The following NEK3 variants were observed in gnomAD, a reference collection of about 807,000 sequenced individuals.
NEK3 encodes the protein NIMA related kinase 3.
Under a neutral mutation model 66.0 loss-of-function variants are expected in NEK3, and 54 were observed. The ratio of observed to expected loss-of-function variants is 0.82; its 90% CI spans 0.66 to 1.03. The LOEUF is 1.03. Among genes scored for constraint, NEK3 ranks in the 50% least tolerant of loss-of-function variants. The pLI, the probability that NEK3 is intolerant of heterozygous loss-of-function variation, is 0.00. For synonymous variants in NEK3, 200 were observed against 206.2 expected (o/e 0.97, Z 0.26); for missense variants, 593 against 603.0 (o/e 0.98, Z 0.17).
intron 10 of NEK3, among the ~76,000 whole-genome samples, chr13:52,142,688 G>A (rs2138197242): frequency 6.6e-6 from 1 of 152,266 alleles, no homozygotes; most frequent in Middle Eastern, 3.4e-3. Flanking sequence ...TTCTCAAAAT[G>A]TTTCTTTTGT....
At chr13:52,137,315 T>C (rs143889127) in intron 11 of NEK3, among the ~76,000 whole-genome samples, 1 of 152,324 alleles carries the variant, frequency 6.6e-6, no homozygotes, top group East Asian at 1.9e-4. Flanking sequence ...AGTTGCCATA[T>C]AGAATCAAAA....
intron 7 of NEK3, among the ~76,000 whole-genome samples, chr13:52,150,321 G>A (rs146059523): frequency 2.0e-5 from 3 of 152,286 alleles, no homozygotes; most frequent in East Asian, 3.9e-4. Flanking sequence ...GGATTACTAA[G>A]TAAATTTTGG....
At chr13:52,154,825 T>C (rs1044967502) in intron 2 of NEK3, among the ~76,000 whole-genome samples, 3 of 148,276 alleles carry the variant, frequency 2.0e-5, no homozygotes, top group Non-Finnish European at 3.0e-5. Context: ...ATGTAGACTA[T>C]AGATGTAGTA....
chr13:52,151,887 A>G (rs181582296), intron 5 of NEK3, among the ~76,000 whole-genome samples: 1 of 152,334 alleles, frequency 6.6e-6, no homozygotes, highest in Non-Finnish European at 1.5e-5. Context: ...ACTACTTACC[A>G]TTGTATTCCA....
intron 10 of NEK3, among the ~76,000 whole-genome samples, chr13:52,141,917 T>TAAA (rs368362666): frequency 8.9e-6 from 1 of 112,742 alleles, no homozygotes. Context: ...CTGTCTCTAC[T>TAAA]AAAAAAAAAA....
Position 52,134,987 on chromosome 13 carries a change from C to T in NEK3, c.1309+742G>A, listed in dbSNP as rs185441257. ...ACTGACCAAATAAATACAACTACAT[C>T]GTTGCAATAAATAGAGTCAGACTTG... On this transcript the variant is annotated intron_variant, in intron 14 of 15. Coordinates refer to ENST00000610828, the MANE Select transcript of NEK3 (RefSeq NM_002498.3). 2.4e-4 allele frequency among the ~76,000 whole-genome samples: 37 copies of T among 152,214 alleles called. No homozygotes were observed. The East Asian group carries it at 5.6e-3, about 23-fold the overall frequency.
chr13:52,148,365 C>T, intron 8 of NEK3, 50 bp downstream of exon 8: 2 of 1,538,430 alleles, frequency 1.3e-6, no homozygotes, highest in Non-Finnish European at 1.8e-6. Context: ...ATTATTAGGG[C>T]TCAGCTAGAT....
rs1956312845 is a variant in NEK3, at chr13:52,148,489, A to G, written c.549-20T>C. The G allele has an allele frequency of 1.2e-6, 2 of 1,610,384 alleles. No individual in the cohort carries two copies. Among genetic ancestry groups the G allele is most frequent in the Admixed American group, 1.7e-5 (1 of 59,902 alleles). On this transcript the variant is annotated intron_variant, in intron 7 of 15. Transcript: ENST00000610828. Reference sequence around the variant, plus strand: ...ATGTCACTGAAAGCATAAAGAAGCAATGTAATCACAAGCAGGTTACGTATT... The same window carrying G: ...ATGTCACTGAAAGCATAAAGAAGCAGTGTAATCACAAGCAGGTTACGTATT...
Position 52,151,387 on chromosome 13 carries a change from G to C in NEK3, c.399C>G (p.Ile133Met). The change falls in exon 6 of 16, where the codon ATC becomes ATG. Residue 133 changes from isoleucine (I) to methionine (M), a missense_variant. Transcript: ENST00000610828. ...TCACTTTTCCATTCTGAGTGAGGAA[G>C]ATATTCTGCATTTAAAAAGAAAAGC... The part of the protein sequence containing the change: ...VLHRDIKSKN[I>M]FLTQNGKVKL... The C allele has an allele frequency of 6.3e-7, 1 of 1,582,494 alleles. No individual in the cohort carries two copies. Among genetic ancestry groups the C allele is most frequent in the Non-Finnish European group, 8.6e-7 (1 of 1,163,492 alleles).
intron 11 of NEK3, 64 bp from the exon 12 acceptor site, chr13:52,136,966 T>C (rs1956211628): frequency 2.7e-6 from 3 of 1,098,170 alleles, no homozygotes; most frequent in South Asian, 1.8e-5. Context: ...GGTAAACAAA[T>C]ATGCAAAGTC....
chr13:52,152,383 G>GTT (rs1956354970), intron 5 of NEK3, among the ~76,000 whole-genome samples: 2 of 152,122 alleles, frequency 1.3e-5, no homozygotes, highest in African/African-American at 4.8e-5. Flanking sequence ...TTTACAGTGT[G>GTT]TGTGTATATA....
intron 8 of NEK3, among the ~76,000 whole-genome samples, chr13:52,147,088 GA>G (rs1426968768): frequency 3.9e-5 from 6 of 151,944 alleles, no homozygotes; most frequent in African/African-American, 7.3e-5. Context: ...AAAATATCTT[GA>G]AAAAACACAT....
chr13:52,147,982 C>T (rs1434902512), intron 8 of NEK3, among the ~76,000 whole-genome samples: 7 of 151,984 alleles, frequency 4.6e-5, no homozygotes, highest in Non-Finnish European at 7.4e-5. Flanking sequence ...GGCAACAGAG[C>T]AAGATTCCAT....
intron 7 of NEK3, among the ~76,000 whole-genome samples, chr13:52,149,060 T>TA (rs1375734329): frequency 3.4e-5 from 5 of 146,512 alleles, no homozygotes; most frequent in African/African-American, 1.3e-4. Flanking sequence ...CCCAGCTAAT[T>TA]TTTTTTTTTG....
At chr13:52,139,112 C>T (rs1032975859) in intron 11 of NEK3, among the ~76,000 whole-genome samples, 4 of 152,094 alleles carry the variant, frequency 2.6e-5, no homozygotes, top group African/African-American at 4.8e-5. Context: ...AACAGGACCC[C>T]GAATGCCAGC....
At chr13:52,150,821 T>C (rs1956338619) in intron 7 of NEK3, among the ~76,000 whole-genome samples, 1 of 152,138 alleles carries the variant, frequency 6.6e-6, no homozygotes, top group Non-Finnish European at 1.5e-5. Flanking sequence ...CAACCTGGGA[T>C]TTGGGATTTT....
At chr13:52,153,828 T>A (rs1395140203) in intron 4 of NEK3, 67 bp downstream of exon 4, 1 of 1,037,380 alleles carries the variant, frequency 9.6e-7, no homozygotes, top group African/African-American at 1.6e-5. Context: ...TTATTTTAAC[T>A]TATATAAAGT....
chr13:52,143,635 T>C (rs554730114), intron 10 of NEK3, among the ~76,000 whole-genome samples: 53 of 152,120 alleles, frequency 3.5e-4, no homozygotes, highest in African/African-American at 1.3e-3. Flanking sequence ...GCCTTCTACC[T>C]GACCTACACA....
chr13:52,133,297 G>T, intron 15 of NEK3, 71 bp from the exon 16 acceptor site: 1 of 1,198,020 alleles, frequency 8.3e-7, no homozygotes, highest in Non-Finnish European at 1.2e-6. Flanking sequence ...GTTCAAAGCG[G>T]AATACCACCA....
Sources: gnomAD v4.1 joint callset for allele counts (sites outside exome capture counted in the v4.1 genomes callset) on GRCh38, gnomAD v4.1.1 for gene constraint, MANE v1.5 for transcripts, NCBI Gene and HGNC (gene_info 2026-07-23, HGNC 2026-07-21) for gene names.